The following DEPDC7 variants were observed in gnomAD, a reference collection of about 807,000 sequenced individuals.
The protein encoded by DEPDC7 is DEP domain containing 7, also known as DEP domain-containing protein 7.
Under a neutral mutation model 56.6 loss-of-function variants are expected in DEPDC7, and 41 were observed. The observed-to-expected ratio is 0.72, with a 90% CI of 0.56 to 0.94. The LOEUF (loss-of-function observed/expected upper bound fraction) is 0.94, where lower values mean the gene tolerates loss of function less well. DEPDC7 is among the 40% of genes least tolerant of loss of function. The pLI, the probability that DEPDC7 is intolerant of heterozygous loss-of-function variation, is 0.00. For missense variants in DEPDC7, 522 were observed against 596.3 expected, an observed-to-expected ratio of 0.88 and a Z score of 1.30; for synonymous variants, 185 against 208.8, an observed-to-expected ratio of 0.89 and a Z score of 0.98.
At chr11:33,016,521 CA>C in intron 1 of DEPDC7, 1 of 1,614,044 alleles carries the variant, frequency 6.2e-7, no homozygotes, top group Non-Finnish European at 8.5e-7. Context: ...CTTGTCTCCC[CA>C]GACTCTTCCT....
intron 4 of DEPDC7, among the ~76,000 whole-genome samples, chr11:33,029,179 T>C (rs1254074683): frequency 1.3e-5 from 2 of 151,088 alleles, no homozygotes; most frequent in Non-Finnish European, 2.9e-5. Flanking sequence ...GTTACATATG[T>C]ATTTAGTTAA....
chr11:33,032,866 C>T, intron 7 of DEPDC7, 23 bp from the exon 8 acceptor site: 4 of 1,588,598 alleles, frequency 2.5e-6, no homozygotes, highest in Non-Finnish European at 3.4e-6. Flanking sequence ...GAATAATGTC[C>T]CATGTCCCTT....
rs924100696 is a variant in DEPDC7 at position 33,032,587 on chromosome 11, T to A, written c.1138-81T>A. ...CAAGTATGCTGAAATGTATAATAGC[T>A]ATTAATATTTAATATTCCCTTTTAT... On this transcript the variant is annotated intron_variant, in intron 6 of 8. Coordinates refer to ENST00000241051, the MANE Select transcript of DEPDC7 (RefSeq NM_001077242.2). The A allele has an allele frequency of 3.8e-6, 5 of 1,327,412 alleles. No homozygotes were observed. In the African/African-American group the frequency reaches 7.5e-5, roughly 20 times the overall value. The allele number at this position is 1,327,412 out of a possible 1,614,324, so 82.2% of individuals were successfully genotyped here. A position where few individuals can be genotyped will look rare whatever the true frequency, so the allele number is the denominator to read the frequency against.
chr11:33,033,569 AT>A lies in DEPDC7; in HGVS notation c.*121del. ...AAATTTGAAACTGTACTTAATAAAAATTTTTTTGTATAACTTCGTGTGTCAG... is the reference window on the plus strand; with the variant it reads ...AAATTTGAAACTGTACTTAATAAAAATTTTTTGTATAACTTCGTGTGTCAG... On this transcript the variant is annotated 3_prime_UTR_variant, in exon 9 of 9. Coordinates refer to ENST00000241051, the MANE Select transcript of DEPDC7 (RefSeq NM_001077242.2). The A allele has an allele frequency of 2.8e-6, 2 of 726,878 alleles. No individual in the cohort carries two copies. Among genetic ancestry groups the A allele is most frequent in the Non-Finnish European group, 2.1e-6 (1 of 469,070 alleles). The allele number at this position is 726,878 out of a possible 1,614,324, so 45.0% of individuals were successfully genotyped here. A position where few individuals can be genotyped will look rare whatever the true frequency, so the allele number is the denominator to read the frequency against.
Position 33,028,715 on chromosome 11 carries a change from A to T in DEPDC7, c.705A>T (p.Gln235His), listed in dbSNP as rs752290660. 3.7e-6 allele frequency: 6 copies of T among 1,613,914 alleles called. No individual in the cohort carries two copies. Among genetic ancestry groups the T allele is most frequent in the Non-Finnish European group, 5.1e-6 (6 of 1,179,988 alleles). The part of the protein sequence containing the change: ...KQQEAVPKIP[Q>H]PKRQSTMVNS... ...AAGAGGCTGTACCTAAAATTCCTCA[A>T]CCTAAGAGGCAGTCCACCATGGTCA... Residue 235 changes from glutamine to histidine, a missense_variant, in exon 4 of 9, where the codon CAA becomes CAT. Transcript: ENST00000241051.
intron 2 of DEPDC7, 95 bp downstream of exon 2, chr11:33,026,144 A>G (rs760593713): frequency 2.8e-6 from 4 of 1,411,520 alleles, no homozygotes; most frequent in Non-Finnish European, 3.9e-6. Flanking sequence ...CATTTTTAGC[A>G]GTAAATGTGG....
intron 1 of DEPDC7, among the ~76,000 whole-genome samples, chr11:33,019,144 A>G (rs1853496696): frequency 6.6e-6 from 1 of 152,112 alleles, no homozygotes; most frequent in Admixed American, 6.5e-5. Flanking sequence ...TCAAGTTTCC[A>G]TGTCTGAACA....
intron 1 of DEPDC7, chr11:33,016,636 T>C (rs1169849194): frequency 6.3e-7 from 1 of 1,593,546 alleles, no homozygotes. Context: ...ATAGAAGTTT[T>C]TGGCTAAAAA....
At chr11:33,019,712 AACT>A (rs909111027) in intron 1 of DEPDC7, among the ~76,000 whole-genome samples, 1 of 152,328 alleles carries the variant, frequency 6.6e-6, no homozygotes, top group Non-Finnish European at 1.5e-5. Context: ...AATAATTAAC[AACT>A]AACAAATATT....
In DEPDC7 at chr11:33,029,531, C is replaced by A. The variant is rs940729569; in HGVS notation, c.782+739C>A. On this transcript the variant is annotated intron_variant, in intron 4 of 8. Transcript: ENST00000241051. ...AAAAAATGAAAGTAACTCTCTCATT[C>A]CAGTTACTCCTCTCTTGAATATAAA... 3.3e-5 allele frequency among the ~76,000 whole-genome samples: 5 copies of A among 150,896 alleles called. No homozygotes were observed. In the South Asian group the frequency reaches 6.3e-4, roughly 19 times the overall value.
chr11:33,016,879 A>C (rs930720749), intron 1 of DEPDC7, among the ~76,000 whole-genome samples: 85 of 152,180 alleles, frequency 5.6e-4, no homozygotes, highest in African/African-American at 1.9e-3. Flanking sequence ...CTTTTGGTTA[A>C]GTTACAACTT....
chr11:33,030,737 C>T (rs1244668759), intron 4 of DEPDC7, among the ~76,000 whole-genome samples: 1 of 152,082 alleles, frequency 6.6e-6, no homozygotes, highest in East Asian at 1.9e-4. Flanking sequence ...GGGCGCACCA[C>T]CACACCCAGC....
At chr11:33,024,466 T>C (rs1340912378) in intron 1 of DEPDC7, among the ~76,000 whole-genome samples, 1 of 151,684 alleles carries the variant, frequency 6.6e-6, no homozygotes, top group Non-Finnish European at 1.5e-5. Context: ...TCATGCGTAG[T>C]GTAATGACGG....
At position 33,031,374 on chromosome 11, in the gene DEPDC7, A is replaced by T. The variant is rs138124613; in HGVS notation, c.783-4A>T. The T allele has an allele frequency of 8.1e-6, 13 of 1,608,810 alleles. No homozygotes were observed. The African/African-American group carries it at 1.1e-4, about 13-fold the overall frequency. ...TTTAAATAATCTTCCCCTCTCCCCTATAGGGAAGATGAGTGGCTCTCGGCA... is the reference window on the plus strand; with the variant it reads ...TTTAAATAATCTTCCCCTCTCCCCTTTAGGGAAGATGAGTGGCTCTCGGCA... On this transcript the variant is annotated splice_polypyrimidine_tract_variant and splice_region_variant and intron_variant, in intron 4 of 8. Coordinates refer to ENST00000241051, the MANE Select transcript of DEPDC7 (RefSeq NM_001077242.2).
intron 1 of DEPDC7, chr11:33,016,246 C>T (rs761626362): frequency 8.2e-6 from 11 of 1,336,226 alleles, no homozygotes; most frequent in Non-Finnish European, 7.6e-6. Flanking sequence ...CGGCAGAGCC[C>T]GCCCGCACAG....
At chr11:33,030,619 T>C (rs1287119035) in intron 4 of DEPDC7, among the ~76,000 whole-genome samples, 1 of 152,192 alleles carries the variant, frequency 6.6e-6, no homozygotes, top group African/African-American at 2.4e-5. Context: ...GGTCTCGCTC[T>C]GTTGCCCAGG....
intron 4 of DEPDC7, among the ~76,000 whole-genome samples, chr11:33,029,310 C>T (rs370506858): frequency 5.3e-5 from 8 of 151,326 alleles, no homozygotes; most frequent in Non-Finnish European, 7.4e-5. Context: ...CCAGCCTGGC[C>T]GACATGGTAA....
intron 1 of DEPDC7, chr11:33,016,328 G>T: frequency 7.2e-7 from 1 of 1,397,860 alleles, no homozygotes; most frequent in Non-Finnish European, 9.2e-7. Flanking sequence ...TAACGTGCCA[G>T]GCACGCGCCG....
chr11:33,032,271 G>C, intron 5 of DEPDC7, 65 bp from the exon 6 acceptor site: 1 of 1,423,130 alleles, frequency 7.0e-7, no homozygotes, highest in Non-Finnish European at 9.4e-7. Flanking sequence ...TGTAACTTGA[G>C]TTTTGTTCCC....
Sources: gnomAD v4.1 joint callset for allele counts (sites outside exome capture counted in the v4.1 genomes callset) on GRCh38, gnomAD v4.1.1 for gene constraint, MANE v1.5 for transcripts, NCBI Gene and HGNC (gene_info 2026-07-23, HGNC 2026-07-21) for gene names.